Variants in CLDN19 observed in about 807,000 individuals in gnomAD.
CLDN19 encodes the protein claudin-19.
CLDN19 carries 19 observed loss-of-function variants against 24.5 expected under a neutral mutation model. The ratio of observed to expected loss-of-function variants is 0.78; its 90% confidence interval spans 0.54 to 1.14. The LOEUF (loss-of-function observed/expected upper bound fraction) is 1.14, where lower values mean the gene tolerates loss of function less well. CLDN19 is among the 50% of genes most tolerant of loss of function. The pLI, the probability that CLDN19 is intolerant of heterozygous loss-of-function variation, is 0.00. For synonymous variants in CLDN19, 117 were observed against 129.6 expected, an observed-to-expected ratio of 0.90 and a Z score of 0.66; for missense variants, 250 against 295.9, an observed-to-expected ratio of 0.84 and a Z score of 1.14.
intron 4 of CLDN19, 106 bp downstream of exon 4, chr1:42,735,772 C>T: frequency 1.3e-6 from 2 of 1,532,940 alleles, no homozygotes; most frequent in Non-Finnish European, 1.8e-6. Context: ...CTATGCCCAT[C>T]CTATGCCCCA....
chr1:42,738,172 A>G, intron 3 of CLDN19, 57 bp downstream of exon 3: 1 of 1,366,536 alleles, frequency 7.3e-7, no homozygotes, highest in Non-Finnish European at 1.0e-6. Flanking sequence ...GATCCAGTGG[A>G]CAAAGGTCAG....
At chr1:42,737,280 G>A (rs1311911881) in intron 3 of CLDN19, among the ~76,000 whole-genome samples, 4 of 152,108 alleles carry the variant, frequency 2.6e-5, no homozygotes, top group Non-Finnish European at 5.9e-5. Context: ...TGGGACAGCC[G>A]CCTTCCTGGT....
chr1:42,735,599 G>T, intron 4 of CLDN19: 1 of 1,424,670 alleles, frequency 7.0e-7, no homozygotes, highest in East Asian at 2.5e-5. Context: ...CTGTCTCCAG[G>T]GATGCATGCT....
chr1:42,738,252 G>A lies in CLDN19; in HGVS notation c.450C>T (p.Asn150=). ...YATLVTQEFF[N]PSTPVNARYE... Reference sequence around the variant, plus strand: ...ACCTGGCATTGACAGGTGTGCTTGGGTTGAAGAACTCCTGGGTCACCAGGG... The same window carrying A: ...ACCTGGCATTGACAGGTGTGCTTGGATTGAAGAACTCCTGGGTCACCAGGG... Residue 150 remains asparagine, a synonymous_variant, in exon 3 of 5, where the codon AAC becomes AAT. Coordinates refer to ENST00000296387, the MANE Select transcript of CLDN19 (RefSeq NM_148960.3). 1.2e-6 allele frequency: 2 copies of A among 1,613,842 alleles called. No homozygotes were observed. Among genetic ancestry groups the A allele is most frequent in the East Asian group, 2.2e-5 (1 of 44,880 alleles).
In CLDN19 at chr1:42,735,098, G is replaced by A. The variant is rs371686331; in HGVS notation, c.663C>T (p.Pro221=). ...VVKLPASAKG[P]LGV ...TGGGGACTGGACATTACACACCCAG[G>A]GGGCCCTTGGCGGAGGCGGGCAATT... is the stretch of plus-strand genomic sequence containing the variant. The change falls in exon 5 of 5, where the codon CCC becomes CCT. Residue 221 remains proline, a synonymous_variant. Coordinates refer to ENST00000296387, the MANE Select transcript of CLDN19 (RefSeq NM_148960.3). 14 of 1,611,840 alleles carry A rather than the reference G, an allele frequency of 8.7e-6. No individual in the cohort carries two copies. The highest frequency in any genetic ancestry group is 1.2e-5 in the Non-Finnish European group (14 of 1,177,950).
Position 42,740,171 on chromosome 1 carries a change from C to T in CLDN19, c.-108G>A. The T allele has an allele frequency of 1.2e-6, 1 of 818,550 alleles. No individual in the cohort carries two copies. Among genetic ancestry groups the T allele is most frequent in the Non-Finnish European group, 2.0e-6 (1 of 493,192 alleles). The allele number at this position is 818,550 out of a possible 1,614,324, so 50.7% of individuals were successfully genotyped here. ...AGGAGCAGCTGGGCAGGGGGAGCAG[C>T]GAGAAGGAGGGTCAGAGGCAGAGAA... On this transcript the variant is annotated 5_prime_UTR_variant, in exon 1 of 5. Transcript: ENST00000296387.
chr1:42,736,065 C>G, intron 3 of CLDN19, 35 bp from the exon 4 acceptor site: 1 of 1,426,262 alleles, frequency 7.0e-7, no homozygotes, highest in South Asian at 1.2e-5. Flanking sequence ...TCAGGTGTGG[C>G]TGCCGTCTCA....
At chr1:42,738,723 G>T in intron 1 of CLDN19, 138 bp from the exon 2 acceptor site, 1 of 742,932 alleles carries the variant, frequency 1.3e-6, no homozygotes. Context: ...CTTCTGGCAG[G>T]TGCAGGATAG....
rs146997195 is a variant in CLDN19, at chr1:42,736,321, T to C, written c.474-291A>G. 8.1e-3 allele frequency among the ~76,000 whole-genome samples: 1,234 copies of C among 151,980 alleles called. 17 individuals are homozygous for C. Among genetic ancestry groups the C allele is most frequent in the African/African-American group, 0.028 (1,173 of 41,468 alleles). Reference sequence around the variant, plus strand: ...TGGGCTCATTTCCTGATCTGGCCAGTGGAGGGGGCATGGGAGGGCCTGAGA... The same window carrying C: ...TGGGCTCATTTCCTGATCTGGCCAGCGGAGGGGGCATGGGAGGGCCTGAGA... On this transcript the variant is annotated intron_variant, in intron 3 of 4. Coordinates refer to ENST00000296387, the MANE Select transcript of CLDN19 (RefSeq NM_148960.3).
In CLDN19 at chr1:42,738,221, G is replaced by A. The variant is rs764522447; in HGVS notation, c.473+8C>T. On this transcript the variant is annotated splice_region_variant and intron_variant, in intron 3 of 4. Coordinates refer to ENST00000296387, the MANE Select transcript of CLDN19 (RefSeq NM_148960.3). ...GGTAAAGCAAAAGACCCAAGCCCTG[G>A]CACCCACCTGGCATTGACAGGTGTG... The A allele has an allele frequency of 1.7e-5, 28 of 1,610,246 alleles. No homozygotes were observed. The highest frequency in any genetic ancestry group is 2.3e-5 in the Non-Finnish European group (27 of 1,177,026).
intron 4 of CLDN19, chr1:42,735,632 C>A: frequency 5.6e-6 from 8 of 1,431,826 alleles, no homozygotes; most frequent in African/African-American, 2.9e-5. Context: ...GCTGTGCAGA[C>A]AAGACCGTGC....
chr1:42,735,154 G>A lies in CLDN19; in HGVS notation c.627-20C>T, dbSNP rs374216538. 7 of 1,613,936 alleles carry A rather than the reference G, an allele frequency of 4.3e-6. No individual in the cohort carries two copies. Among genetic ancestry groups the A allele is most frequent in the Non-Finnish European group, 4.2e-6 (5 of 1,179,908 alleles). ...ACTGGTCTGAAAGTCAAAAGAGAGA[G>A]AGCTGGTTAGTGGAGTGAGCTGTGG... On this transcript the variant is annotated intron_variant, in intron 4 of 4. Transcript: ENST00000296387.
Position 42,735,019 on chromosome 1 carries a change from T to G in CLDN19, c.*67A>C, listed in dbSNP as rs943323880. The G allele has an allele frequency of 7.5e-6, 10 of 1,332,474 alleles. No homozygotes were observed. Among genetic ancestry groups the G allele is most frequent in the Non-Finnish European group, 1.1e-5 (10 of 930,192 alleles). The allele number at this position is 1,332,474 out of a possible 1,614,324, so 82.5% of individuals were successfully genotyped here. A position where few individuals can be genotyped will look rare whatever the true frequency, so the allele number is the denominator to read the frequency against. On this transcript the variant is annotated 3_prime_UTR_variant, in exon 5 of 5. Transcript: ENST00000296387. The stretch of plus-strand genomic sequence containing the variant: ...ATTGGGGCTGGATGTTCACTTCTCT[T>G]TCCAAAAAAATATGAAACACACAGT...
intron 3 of CLDN19, among the ~76,000 whole-genome samples, chr1:42,736,324 AG>A (rs2124038425): frequency 6.6e-6 from 1 of 152,114 alleles, no homozygotes; most frequent in South Asian, 2.1e-4. Context: ...TGGCCAGTGG[AG>A]GGGGCATGGG....
chr1:42,738,617 T>C (rs1352335402), intron 1 of CLDN19, 32 bp from the exon 2 acceptor site: 2 of 1,602,426 alleles, frequency 1.2e-6, no homozygotes, highest in East Asian at 2.2e-5. Context: ...TGAGTCGGGC[T>C]GGCGGGGATG....
rs1553139529 is a variant in CLDN19, at chr1:42,740,171, C to CGAGAAGGAGGGTCAGAGGCA, written c.-128_-109dup. ...AGGAGCAGCTGGGCAGGGGGAGCAG[C>CGAGAAGGAGGGTCAGAGGCA]GAGAAGGAGGGTCAGAGGCAGAGAA... On this transcript the variant is annotated 5_prime_UTR_variant, in exon 1 of 5. Transcript: ENST00000296387. 1 of 818,432 alleles carries CGAGAAGGAGGGTCAGAGGCA rather than the reference C, an allele frequency of 1.2e-6. No homozygotes were observed. The highest frequency in any genetic ancestry group is 2.0e-5 in the Admixed American group (1 of 50,008). The allele number at this position is 818,432 out of a possible 1,614,324, so 50.7% of individuals were successfully genotyped here.
intron 1 of CLDN19, among the ~76,000 whole-genome samples, 188 bp downstream of exon 1, chr1:42,739,653 G>GCCCT (rs997371306): frequency 2.0e-5 from 3 of 152,224 alleles, no homozygotes; most frequent in African/African-American, 7.2e-5. Flanking sequence ...AGACCCTAGA[G>GCCCT]CCCTCCCCTC....
intron 4 of CLDN19, chr1:42,735,601 A>G: frequency 7.0e-7 from 1 of 1,425,140 alleles, no homozygotes; most frequent in Non-Finnish European, 9.1e-7. Flanking sequence ...GTCTCCAGGG[A>G]TGCATGCTGG....
At position 42,734,900 on chromosome 1, in the gene CLDN19, C is replaced by A. The variant is rs1651303321; in HGVS notation, c.*186G>T. 6.4e-6 allele frequency: 4 copies of A among 624,502 alleles called. No individual in the cohort carries two copies. Among genetic ancestry groups the A allele is most frequent in the Admixed American group, 5.5e-5 (2 of 36,090 alleles). The allele number at this position is 624,502 out of a possible 1,614,324, so 38.7% of individuals were successfully genotyped here. A position where few individuals can be genotyped will look rare whatever the true frequency, so the allele number is the denominator to read the frequency against. ...AACCCACCCTGGACCTCTGTCTCCT[C>A]ATCTTTCTGCCCAAGAGCCCCAGGG... is the stretch of plus-strand genomic sequence containing the variant. On this transcript the variant is annotated 3_prime_UTR_variant, in exon 5 of 5. Coordinates refer to ENST00000296387, the MANE Select transcript of CLDN19 (RefSeq NM_148960.3).
Sources: allele counts gnomAD v4.1 joint callset (sites outside exome capture counted in the v4.1 genomes callset), GRCh38; gene constraint gnomAD v4.1.1; transcripts MANE v1.5; gene names NCBI Gene and HGNC (gene_info 2026-07-23, HGNC 2026-07-21).